Variants in KCNIP4 observed in about 807,000 individuals in gnomAD.
The protein encoded by KCNIP4 is Kv channel-interacting protein 4.
A neutral mutation model predicts 34.0 loss-of-function variants in KCNIP4; 12 were observed. The ratio of observed to expected loss-of-function variants is 0.35; its 90% confidence interval spans 0.23 to 0.57. The LOEUF is 0.57. KCNIP4 is among the 20% of genes least tolerant of loss of function. The probability of loss-of-function intolerance (pLI) is 0.83; values close to 1 mark genes in which losing one functional copy is unlikely to be tolerated. For synonymous variants in KCNIP4, 124 were observed against 102.2 expected (o/e 1.21, Z -1.29); for missense variants, 238 against 311.7 (o/e 0.76, Z 1.78).
At chr4:21,437,155 A>G (rs1050862219) in intron 1 of KCNIP4, among the ~76,000 whole-genome samples, 1 of 152,224 alleles carries the variant, frequency 6.6e-6, no homozygotes, top group African/African-American at 2.4e-5. Flanking sequence ...TCTCTTTTCA[A>G]TGCTGTCTTC....
At chr4:21,569,107 G>T (rs964134573) in intron 1 of KCNIP4, among the ~76,000 whole-genome samples, 2 of 151,636 alleles carry the variant, frequency 1.3e-5, no homozygotes, top group Non-Finnish European at 2.9e-5. Flanking sequence ...TATTCCTATT[G>T]TTTAAGCCAC....
intron 1 of KCNIP4, among the ~76,000 whole-genome samples, chr4:21,198,990 T>G (rs1016862840): frequency 1.3e-5 from 2 of 152,184 alleles, no homozygotes; most frequent in African/African-American, 4.8e-5. Context: ...TCTGGCGCTG[T>G]CCTTTCTCTA....
intron 1 of KCNIP4, among the ~76,000 whole-genome samples, chr4:21,543,836 C>T (rs778295005): frequency 2.6e-5 from 4 of 152,070 alleles, no homozygotes; most frequent in Non-Finnish European, 5.9e-5. Flanking sequence ...AGATTACCTT[C>T]CATCTTTCTT....
intron 1 of KCNIP4, among the ~76,000 whole-genome samples, chr4:21,788,551 C>A (rs918569572): frequency 6.9e-6 from 1 of 145,488 alleles, no homozygotes; most frequent in South Asian, 2.1e-4. Flanking sequence ...CTGCCTCAGG[C>A]AGGTCACCAG....
chr4:21,323,378 A>G (rs1714703188), intron 1 of KCNIP4, among the ~76,000 whole-genome samples: 1 of 151,882 alleles, frequency 6.6e-6, no homozygotes, highest in Non-Finnish European at 1.5e-5. Context: ...GAATGATATT[A>G]TTGTATCTAT....
chr4:21,762,566 C>T (rs183213038), intron 1 of KCNIP4, among the ~76,000 whole-genome samples: 1 of 152,230 alleles, frequency 6.6e-6, no homozygotes, highest in Non-Finnish European at 1.5e-5. Flanking sequence ...GAACTGGTTG[C>T]TGTTAGTTAG....
chr4:21,331,890 T>C (rs1715673308), intron 1 of KCNIP4, among the ~76,000 whole-genome samples: 1 of 152,084 alleles, frequency 6.6e-6, no homozygotes. Context: ...TTCCTCCCAA[T>C]TAGACTCACT....
At chr4:21,698,577 G>C (rs1358045582) in intron 1 of KCNIP4, among the ~76,000 whole-genome samples, 1 of 152,078 alleles carries the variant, frequency 6.6e-6, no homozygotes, top group Non-Finnish European at 1.5e-5. Flanking sequence ...CTGAAAAAGT[G>C]GTTTTCCTGA....
At position 21,651,393 on chromosome 4, in the gene KCNIP4, A is replaced by G. The variant is rs182910733; in HGVS notation, c.61+297178T>C. ...TCACATGAGTGATGACTGCCATCTA[A>G]TGAAGATTAGGGATAAAGAGGATAT... On this transcript the variant is annotated intron_variant, in intron 1 of 8. Transcript: ENST00000382152. Among the ~76,000 whole-genome samples, 23 of 152,318 alleles carry G rather than the reference A, an allele frequency of 1.5e-4. No homozygotes were observed. In the East Asian group the frequency reaches 3.3e-3, roughly 22 times the overall value.
chr4:21,097,530 A>G (rs1291454190), intron 1 of KCNIP4, among the ~76,000 whole-genome samples: 6 of 152,078 alleles, frequency 3.9e-5, no homozygotes, highest in Non-Finnish European at 8.8e-5. Context: ...TTTGGTAATT[A>G]TTACAATATT....
At chr4:21,834,907 A>G (rs1723226108) in intron 1 of KCNIP4, among the ~76,000 whole-genome samples, 1 of 152,072 alleles carries the variant, frequency 6.6e-6, no homozygotes, top group Admixed American at 6.6e-5. Context: ...ATTGATTTGC[A>G]TATATTGAAC....
At position 20,998,802 on chromosome 4, in the gene KCNIP4, A is replaced by G. The variant is rs79666146; in HGVS notation, c.62-116093T>C. The stretch of plus-strand genomic sequence containing the variant: ...GAGGATGACTCAATGTCTTGACACC[A>G]GTGAGAATAAATTGCACAGTCGGTG... On this transcript the variant is annotated intron_variant, in intron 1 of 8. Transcript: ENST00000382152. 8.6e-3 allele frequency among the ~76,000 whole-genome samples: 1,317 copies of G among 152,372 alleles called. 17 individuals carry two copies. The highest frequency in any genetic ancestry group is 0.03 in the African/African-American group (1,262 of 41,592).
intron 1 of KCNIP4, among the ~76,000 whole-genome samples, chr4:21,576,491 A>C (rs1298414894): frequency 2.0e-5 from 3 of 152,194 alleles, no homozygotes; most frequent in Non-Finnish European, 4.4e-5. Context: ...ACCAAAGTAG[A>C]AACATTAGAC....
At chr4:21,415,159 T>C (rs1315714904) in intron 1 of KCNIP4, among the ~76,000 whole-genome samples, 2 of 151,830 alleles carry the variant, frequency 1.3e-5, no homozygotes, top group Non-Finnish European at 2.9e-5. Context: ...TTTGAAGGAG[T>C]CTTAGGACAT....
At chr4:21,047,693 T>A (rs917977130) in intron 1 of KCNIP4, among the ~76,000 whole-genome samples, 9 of 152,212 alleles carry the variant, frequency 5.9e-5, no homozygotes, top group African/African-American at 2.2e-4. Context: ...GTTTTGTCAA[T>A]CCAATCTAAT....
intron 1 of KCNIP4, among the ~76,000 whole-genome samples, chr4:21,108,381 T>C (rs1748791644): frequency 6.6e-6 from 1 of 151,192 alleles, no homozygotes; most frequent in Non-Finnish European, 1.5e-5. Context: ...TTCTTCCAGT[T>C]GATCGCATCG....
intron 1 of KCNIP4, among the ~76,000 whole-genome samples, chr4:21,702,400 G>T (rs113956836): frequency 1.3e-5 from 2 of 152,124 alleles, no homozygotes; most frequent in Non-Finnish European, 2.9e-5. Flanking sequence ...GAGAGGTTAC[G>T]ACTTTACATA....
intron 1 of KCNIP4, among the ~76,000 whole-genome samples, chr4:21,248,583 C>T (rs896805776): frequency 6.6e-6 from 1 of 152,090 alleles, no homozygotes; most frequent in African/African-American, 2.4e-5. Context: ...AACTTATGTC[C>T]TTTTTCCTTT....
intron 1 of KCNIP4, among the ~76,000 whole-genome samples, chr4:21,347,460 T>C (rs202172756): frequency 4.6e-5 from 7 of 152,188 alleles, no homozygotes; most frequent in East Asian, 1.9e-4. Flanking sequence ...GTGTATTCCA[T>C]GAGTTGAACT....
Sources: allele counts gnomAD v4.1 joint callset (sites outside exome capture counted in the v4.1 genomes callset), GRCh38; gene constraint gnomAD v4.1.1; transcripts MANE v1.5; gene names NCBI Gene and HGNC (gene_info 2026-07-23, HGNC 2026-07-21).